Variants in MELK observed in about 807,000 individuals in gnomAD.
MELK encodes the protein maternal embryonic leucine zipper kinase, also known as pEg3 kinase.
MELK carries 81 observed loss-of-function variants against 85.0 expected under a neutral mutation model. That is an observed-to-expected ratio of 0.95 (90% confidence interval 0.80 to 1.15). The LOEUF (loss-of-function observed/expected upper bound fraction) is 1.15. Ranked by LOEUF, MELK falls within the 50% of genes most tolerant of loss-of-function variation. The pLI is 0.00. For missense variants in MELK, 754 were observed against 777.5 expected (o/e 0.97, Z 0.36); for synonymous variants, 252 against 265.0 (o/e 0.95, Z 0.48).
At chr9:36,581,087 CAG>C (rs1327079184) in intron 1 of MELK, among the ~76,000 whole-genome samples, 1 of 152,130 alleles carries the variant, frequency 6.6e-6, no homozygotes, top group Non-Finnish European at 1.5e-5. Flanking sequence ...ATTGTTTTGT[CAG>C]AGTTTATGTG....
At chr9:36,662,376 C>T (rs372460673) in intron 13 of MELK, among the ~76,000 whole-genome samples, 3 of 151,446 alleles carry the variant, frequency 2.0e-5, no homozygotes, top group African/African-American at 2.4e-5. Context: ...CCCAAGTAGC[C>T]GGGTTTACAG....
intron 3 of MELK, 40 bp from the exon 4 acceptor site, chr9:36,589,496 A>G: frequency 6.6e-7 from 1 of 1,510,362 alleles, no homozygotes; most frequent in Non-Finnish European, 9.2e-7. Context: ...ACACCACCTG[A>G]ATAAGTTTAT....
chr9:36,669,350 A>T lies in MELK; in HGVS notation c.1449A>T (p.Pro483=). The part of the protein sequence containing the change: ...QCLKETPIKI[P]VNSTGTDKLM... ...TGAAAGAAACTCCAATTAAAATACC[A>T]GTAAATTCAACAGGAACAGACAAGT... The change falls in exon 15 of 18, where the codon CCA becomes CCT. Residue 483 remains proline (P), a synonymous_variant. Transcript: ENST00000298048. 6.2e-7 allele frequency: 1 copy of T among 1,609,974 alleles called. No homozygotes were observed.
rs66684364 is a variant in MELK at position 36,655,453 on chromosome 9, GGAGAGAGAGAGAGAGA to G, written c.1054-1777_1054-1762del. Among the ~76,000 whole-genome samples, 82 of 147,800 alleles carry G rather than the reference GGAGAGAGAGAGAGAGA, an allele frequency of 5.5e-4. No individual in the cohort carries two copies. In the East Asian group the frequency reaches 0.014, roughly 25 times the overall value. On this transcript the variant is annotated intron_variant, in intron 12 of 17. Transcript: ENST00000298048. ...TTAAAAAAGAAGAGTTCAAGTAGGG[GGAGAGAGAGAGAGAGA>G]GAGAGAGAGAACGCAAGTGAGCTGG...
chr9:36,630,551 C>A (rs1438883872), intron 9 of MELK, among the ~76,000 whole-genome samples, 184 bp downstream of exon 9: 2 of 151,944 alleles, frequency 1.3e-5, no homozygotes, highest in Non-Finnish European at 2.9e-5. Context: ...TAGACACCTA[C>A]CATATGTTAT....
chr9:36,614,971 T>C (rs1234384599), intron 8 of MELK, among the ~76,000 whole-genome samples: 2 of 141,184 alleles, frequency 1.4e-5, no homozygotes, highest in Non-Finnish European at 1.5e-5. Flanking sequence ...CCAGACGGGG[T>C]GGTGGCCGGG....
At chr9:36,638,629 G>A (rs1205438367) in intron 10 of MELK, among the ~76,000 whole-genome samples, 2 of 152,088 alleles carry the variant, frequency 1.3e-5, no homozygotes, top group African/African-American at 4.8e-5. Context: ...TACTGAGCAC[G>A]TAGAGTAGAA....
intron 12 of MELK, among the ~76,000 whole-genome samples, chr9:36,654,795 G>T (rs1476374655): frequency 6.6e-6 from 1 of 152,084 alleles, no homozygotes; most frequent in East Asian, 1.9e-4. Context: ...TTAATTATTT[G>T]CAAAGTCATA....
chr9:36,615,747 T>A (rs1342922019), intron 8 of MELK, among the ~76,000 whole-genome samples: 2 of 145,106 alleles, frequency 1.4e-5, no homozygotes, highest in Non-Finnish European at 3.0e-5. Flanking sequence ...TCCCCACATC[T>A]CAGACGATGG....
At chr9:36,676,688 G>A (rs951926102) in intron 17 of MELK, among the ~76,000 whole-genome samples, 4 of 152,170 alleles carry the variant, frequency 2.6e-5, no homozygotes, top group Non-Finnish European at 5.9e-5. Flanking sequence ...AAAAACACAC[G>A]TGCCTTTCTG....
intron 8 of MELK, among the ~76,000 whole-genome samples, chr9:36,618,445 G>A (rs956753203): frequency 6.6e-6 from 1 of 151,392 alleles, no homozygotes; most frequent in Admixed American, 6.6e-5. Flanking sequence ...GAATCATGAT[G>A]TCAACGTAGC....
intron 8 of MELK, among the ~76,000 whole-genome samples, chr9:36,618,290 T>A (rs993060542): frequency 6.6e-6 from 1 of 151,462 alleles, no homozygotes; most frequent in Non-Finnish European, 1.5e-5. Flanking sequence ...ATGCCTGTAA[T>A]CCCAGCTACT....
intron 9 of MELK, among the ~76,000 whole-genome samples, chr9:36,632,168 A>G (rs935641488): frequency 6.6e-6 from 1 of 152,156 alleles, no homozygotes; most frequent in African/African-American, 2.4e-5. Context: ...GCAGGACTGA[A>G]ATTTTGCATT....
At chr9:36,618,935 A>G (rs1827120585) in intron 8 of MELK, among the ~76,000 whole-genome samples, 2 of 151,918 alleles carry the variant, frequency 1.3e-5, no homozygotes, top group South Asian at 2.1e-4. Context: ...CCAGTCAAGA[A>G]TGAGTGAATG....
At chr9:36,642,418 C>CTTTTTT (rs34671966) in intron 10 of MELK, among the ~76,000 whole-genome samples, 4 of 84,774 alleles carry the variant, frequency 4.7e-5, no homozygotes, top group African/African-American at 1.0e-4. Flanking sequence ...TACAACAGAA[C>CTTTTTT]TTTTTTTTTT....
At chr9:36,614,443 T>TA (rs1554722239) in intron 8 of MELK, among the ~76,000 whole-genome samples, 212 of 129,958 alleles carry the variant, frequency 1.6e-3, no homozygotes, top group East Asian at 6.7e-3. Flanking sequence ...TTTTTTTTTT[T>TA]AATTTATTTT....
intron 8 of MELK, among the ~76,000 whole-genome samples, chr9:36,624,839 T>C (rs1486996300): frequency 6.6e-6 from 1 of 152,196 alleles, no homozygotes; most frequent in Non-Finnish European, 1.5e-5. Context: ...GTCTTTTTTA[T>C]TATGATAGAT....
chr9:36,573,144 A>C (rs1821260787), intron 1 of MELK, 137 bp downstream of exon 1: 1 of 152,230 alleles, frequency 6.6e-6, no homozygotes, highest in South Asian at 2.1e-4. Flanking sequence ...GCGCTTTACC[A>C]GCCCTGTTCC....
chr9:36,670,557 G>GTGTATATATAGATATATACATTGA (rs1832789672), intron 15 of MELK, among the ~76,000 whole-genome samples: 1 of 151,068 alleles, frequency 6.6e-6, no homozygotes, highest in Admixed American at 6.6e-5. Context: ...TTAAATTTAT[G>GTGTATATATAGATATATACATTGA]TGTATATATA....
Sources: allele counts gnomAD v4.1 joint callset (sites outside exome capture counted in the v4.1 genomes callset), GRCh38; gene constraint gnomAD v4.1.1; transcripts MANE v1.5; gene names NCBI Gene and HGNC (gene_info 2026-07-23, HGNC 2026-07-21).